OPRM1: variants seen among roughly 807,000 people sequenced by gnomAD.
The protein encoded by OPRM1 is opioid receptor mu 1.
OPRM1 carries 27 observed loss-of-function variants against 31.8 expected under a neutral mutation model. The observed-to-expected ratio is 0.85, with a 90% CI of 0.63 to 1.17. OPRM1 has a LOEUF of 1.17. Among genes scored for constraint, OPRM1 ranks in the 50% most tolerant of loss-of-function variants. OPRM1 has a pLI of 0.00. For missense variants in OPRM1, 536 were observed against 511.1 expected (o/e 1.05, Z -0.47); for synonymous variants, 196 against 189.9 (o/e 1.03, Z -0.26).
chr6:154,065,099 T>C (rs886992731), intron 1 of OPRM1, among the ~76,000 whole-genome samples: 2 of 152,106 alleles, frequency 1.3e-5, no homozygotes, highest in East Asian at 3.8e-4. Context: ...CAGTATTACA[T>C]TTCCAATCCA....
intron 2 of OPRM1, among the ~76,000 whole-genome samples, chr6:154,090,676 T>C (rs1445622115): frequency 6.6e-6 from 1 of 152,244 alleles, no homozygotes; most frequent in Admixed American, 6.5e-5. Flanking sequence ...ATGGAGGATC[T>C]AGCTCATGTT....
chr6:154,072,838 T>C (rs759302813), intron 1 of OPRM1, among the ~76,000 whole-genome samples: 1 of 152,216 alleles, frequency 6.6e-6, no homozygotes, highest in Non-Finnish European at 1.5e-5. Flanking sequence ...AATCCCAGAA[T>C]GCAGCATACT....
At position 154,090,209 on chromosome 6, in the gene OPRM1, G is replaced by A. The variant is rs9479757; in HGVS notation, c.643+31G>A. 130,974 of 1,468,760 alleles carry A rather than the reference G, an allele frequency of 0.089. 6,303 individuals are homozygous for A. Among genetic ancestry groups the A allele is most frequent in the African/African-American group, 0.13 (9,670 of 72,374 alleles). The allele number at this position is 1,468,760 out of a possible 1,614,324, so 91.0% of individuals were successfully genotyped here. On this transcript the variant is annotated intron_variant, in intron 2 of 3. Transcript: ENST00000330432. ...TGATGTTACCAGCCTGAGGGAAGGA[G>A]GGTTCACAGCCTGATATGTTGGTGA... is the stretch of plus-strand genomic sequence containing the variant.
intron 3 of OPRM1, among the ~76,000 whole-genome samples, chr6:154,109,792 C>CTCTCTCTGTGTGTGTGTG (rs1358444421): frequency 5.9e-5 from 6 of 101,198 alleles, no homozygotes; most frequent in African/African-American, 2.3e-4. Flanking sequence ...CTCTCTCTCT[C>CTCTCTCTGTGTGTGTGTG]TGTGTGTGTG....
intron 3 of OPRM1, among the ~76,000 whole-genome samples, chr6:154,224,577 G>C (rs1247910767): frequency 3.9e-5 from 6 of 152,088 alleles, no homozygotes; most frequent in Admixed American, 6.6e-5. Context: ...TGGTCATGGT[G>C]GTGGGCCCCT....
Position 154,091,288 on chromosome 6 carries a change from G to T in OPRM1, c.980G>T (p.Gly327Val), listed in dbSNP as rs1393380625. The change falls in exon 3 of 4, where the codon GGT becomes GTT. Residue 327 changes from glycine (G) to valine (V), a missense_variant. By Grantham distance (109) the Gly-to-Val change is moderately radical. Coordinates refer to ENST00000330432, the MANE Select transcript of OPRM1 (RefSeq NM_000914.5). ...TCTTGGCACTTCTGCATTGCTCTAG[G>T]TTACACAAACAGCTGCCTCAACCCA... ...TVSWHFCIAL[G>V]YTNSCLNPVL... 3 of 1,614,162 alleles carry T rather than the reference G, an allele frequency of 1.9e-6. No individual in the cohort carries two copies. The South Asian group carries it at 3.3e-5, about 18-fold the overall frequency.
At chr6:154,061,337 C>G (rs142359993) in intron 1 of OPRM1, among the ~76,000 whole-genome samples, 70 of 152,192 alleles carry the variant, frequency 4.6e-4, no homozygotes, top group Admixed American at 2.2e-3. Context: ...ACCCGCACTG[C>G]GCTGTAACAT....
intron 3 of OPRM1, among the ~76,000 whole-genome samples, chr6:154,182,596 C>T (rs532263626): frequency 2.3e-4 from 35 of 152,160 alleles, no homozygotes; most frequent in Non-Finnish European, 4.4e-4. Context: ...AAACAGAAAA[C>T]GTTGGTGTAC....
intron 1 of OPRM1, among the ~76,000 whole-genome samples, chr6:154,084,587 C>A (rs1790048434): frequency 6.6e-6 from 1 of 151,992 alleles, no homozygotes; most frequent in Admixed American, 6.6e-5. Flanking sequence ...TTGGATTGAT[C>A]CAATTAAATA....
At chr6:154,180,414 A>T (rs13196911) in intron 3 of OPRM1, among the ~76,000 whole-genome samples, 20,150 of 64,244 alleles carry the variant, frequency 0.31, 1,726 homozygotes, top group East Asian at 0.51. Context: ...ATATATATAT[A>T]TTTTTTTTTT....
At chr6:154,217,326 C>A (rs2128611656) in intron 3 of OPRM1, 1 of 152,422 alleles carries the variant, frequency 6.6e-6, no homozygotes, top group East Asian at 1.9e-4. Flanking sequence ...ACTTTCAGAG[C>A]TCATGGTCAG....
chr6:154,170,216 A>G (rs1333928824), intron 3 of OPRM1, among the ~76,000 whole-genome samples: 1 of 152,186 alleles, frequency 6.6e-6, no homozygotes, highest in Non-Finnish European at 1.5e-5. Context: ...AAGAAATACA[A>G]TGAGATTTCT....
rs1797593287 is a variant in OPRM1, at chr6:154,126,498, T to G, written c.*7777T>G. Reference sequence around the variant, plus strand: ...CTACCCAATATTTGCAAAATTCAAATGTCTCATAGGCTCTTCTTCCCTGGT... The same window carrying G: ...CTACCCAATATTTGCAAAATTCAAAGGTCTCATAGGCTCTTCTTCCCTGGT... On this transcript the variant is annotated 3_prime_UTR_variant, in exon 4 of 4. Transcript: ENST00000330432. Among the ~76,000 whole-genome samples the G allele has an allele frequency of 6.6e-6, 1 of 152,196 alleles. No homozygotes were observed. Among genetic ancestry groups the G allele is most frequent in the South Asian group, 2.1e-4 (1 of 4,822 alleles).
At chr6:154,205,076 T>C (rs1017649556) in intron 3 of OPRM1, among the ~76,000 whole-genome samples, 1 of 152,208 alleles carries the variant, frequency 6.6e-6, no homozygotes, top group Admixed American at 6.5e-5. Flanking sequence ...GGGTCTTCCA[T>C]GACAGAGCAG....
chr6:154,095,508 C>T (rs1793208238), intron 3 of OPRM1, among the ~76,000 whole-genome samples: 1 of 152,136 alleles, frequency 6.6e-6, no homozygotes. Context: ...GGCCTTCTTC[C>T]TTTTCTCCTC....
downstream of OPRM1, among the ~76,000 whole-genome samples, chr6:154,132,825 T>C (rs1583642369): frequency 1.3e-5 from 2 of 152,048 alleles, no homozygotes; most frequent in East Asian, 1.9e-4. Flanking sequence ...AAACACTTTA[T>C]GGTAAGAAAA....
In OPRM1 at chr6:154,198,414, T is replaced by C. The variant is rs574227716; in HGVS notation, c.1165-48279T>C. The stretch of plus-strand genomic sequence containing the variant: ...TATGCTACTCATTCACCTCTAGAAA[T>C]AGGTTGGTTTGCCAGACTTTATTTA... On this transcript the variant is annotated intron_variant, in intron 3 of 3. Transcript: ENST00000337049. Among the ~76,000 whole-genome samples, 4 of 152,190 alleles carry C rather than the reference T, an allele frequency of 2.6e-5. No homozygotes were observed. In the South Asian group the frequency reaches 6.2e-4, roughly 24 times the overall value.
chr6:154,147,237 T>C (rs898707145), intron 3 of OPRM1, among the ~76,000 whole-genome samples: 2 of 152,194 alleles, frequency 1.3e-5, no homozygotes, highest in Non-Finnish European at 2.9e-5. Context: ...CAGATCGCTA[T>C]CAACACCCAG....
At chr6:154,059,236 A>G (rs1331705886) in intron 1 of OPRM1, among the ~76,000 whole-genome samples, 1 of 152,184 alleles carries the variant, frequency 6.6e-6, no homozygotes. Context: ...AGGCGGTGAC[A>G]TTTTGAATTG....
Sources: gnomAD v4.1 joint callset for allele counts (sites outside exome capture counted in the v4.1 genomes callset) on GRCh38, gnomAD v4.1.1 for gene constraint, MANE v1.5 for transcripts, NCBI Gene and HGNC (gene_info 2026-07-23, HGNC 2026-07-21) for gene names.